MARCHF1: variants seen among roughly 807,000 people sequenced by gnomAD.
MARCHF1 encodes E3 ubiquitin-protein ligase MARCHF1.
A neutral mutation model predicts 54.2 loss-of-function variants in MARCHF1; 40 were observed. The observed-to-expected ratio is 0.74, with a 90% CI of 0.57 to 0.96. The LOEUF (loss-of-function observed/expected upper bound fraction) is 0.96. MARCHF1 is among the 40% of genes least tolerant of loss of function. The pLI, the probability that MARCHF1 is intolerant of heterozygous loss-of-function variation, is 0.00. For synonymous variants in MARCHF1, 236 were observed against 236.3 expected (o/e 1.00, Z 0.01); for missense variants, 586 against 656.5 (o/e 0.89, Z 1.17).
intron 5 of MARCHF1, among the ~76,000 whole-genome samples, chr4:163,698,554 C>T (rs1439425096): frequency 2.0e-5 from 3 of 152,034 alleles, no homozygotes; most frequent in African/African-American, 4.8e-5. Context: ...TATTTCTCTC[C>T]AAATAGGATG....
chr4:164,093,338 C>A (rs1326771205), intron 2 of MARCHF1, among the ~76,000 whole-genome samples: 1 of 152,074 alleles, frequency 6.6e-6, no homozygotes, highest in Non-Finnish European at 1.5e-5. Context: ...GTAAGATACT[C>A]TTCATTTTTA....
At chr4:164,267,347 C>T (rs1733636105) in intron 1 of MARCHF1, among the ~76,000 whole-genome samples, 2 of 152,124 alleles carry the variant, frequency 1.3e-5, no homozygotes, top group South Asian at 4.1e-4. Context: ...TAATGAGATG[C>T]CACTTCTGAG....
At chr4:163,926,815 A>G (rs150869971) in intron 3 of MARCHF1, among the ~76,000 whole-genome samples, 197 of 151,792 alleles carry the variant, frequency 1.3e-3, no homozygotes, top group African/African-American at 4.4e-3. Context: ...GCAGGTATCA[A>G]TATAAACTAT....
intron 1 of MARCHF1, among the ~76,000 whole-genome samples, chr4:164,177,144 A>T (rs1210814313): frequency 6.6e-6 from 1 of 151,602 alleles, no homozygotes; most frequent in African/African-American, 2.4e-5. Context: ...GAAGCTAGAC[A>T]GGAGTAGGAC....
At chr4:164,337,188 C>T (rs938323218) in intron 1 of MARCHF1, among the ~76,000 whole-genome samples, 1 of 152,084 alleles carries the variant, frequency 6.6e-6, no homozygotes, top group African/African-American at 2.4e-5. Context: ...AGTTTTCTGC[C>T]ATCATCACCC....
intron 3 of MARCHF1, among the ~76,000 whole-genome samples, chr4:163,874,399 G>A (rs539188575): frequency 1.6e-4 from 24 of 152,304 alleles, no homozygotes; most frequent in Non-Finnish European, 2.9e-5. Context: ...ACCAAATACT[G>A]TAAGACCCAA....
At chr4:163,880,327 A>G (rs1297738584) in intron 3 of MARCHF1, among the ~76,000 whole-genome samples, 2 of 151,316 alleles carry the variant, frequency 1.3e-5, no homozygotes, top group Non-Finnish European at 3.0e-5. Context: ...TTATTCTTAA[A>G]ATAATTTTCC....
intron 1 of MARCHF1, chr4:164,189,443 T>G: frequency 1.4e-6 from 1 of 697,806 alleles, no homozygotes; most frequent in African/African-American, 1.8e-5. Flanking sequence ...AATTCTGATA[T>G]TGATGATGTT....
At chr4:163,732,890 G>A (rs1300613640) in intron 4 of MARCHF1, among the ~76,000 whole-genome samples, 2 of 151,874 alleles carry the variant, frequency 1.3e-5, no homozygotes, top group African/African-American at 4.8e-5. Context: ...GGTGGCTCCC[G>A]CCTGTAATCC....
chr4:164,280,092 G>A (rs1398385832), intron 1 of MARCHF1, among the ~76,000 whole-genome samples: 3 of 151,618 alleles, frequency 2.0e-5, no homozygotes, highest in Admixed American at 2.0e-4. Flanking sequence ...TTCTTACCCT[G>A]TTTTATAGAG....
intron 1 of MARCHF1, among the ~76,000 whole-genome samples, chr4:164,118,423 T>C (rs116130409): frequency 0.022 from 3,369 of 150,882 alleles, 149 homozygotes; most frequent in African/African-American, 0.077. Flanking sequence ...TATATATTTA[T>C]AAAGATATTA....
At chr4:163,611,162 T>C (rs1741326238) in intron 7 of MARCHF1, among the ~76,000 whole-genome samples, 2 of 152,082 alleles carry the variant, frequency 1.3e-5, no homozygotes, top group African/African-American at 4.8e-5. Flanking sequence ...TTAGAAACTA[T>C]ACAAATCTTA....
intron 2 of MARCHF1, among the ~76,000 whole-genome samples, chr4:164,039,941 GATAAA>G (rs1754088420): frequency 6.8e-6 from 1 of 146,306 alleles, no homozygotes; most frequent in Admixed American, 6.9e-5. Context: ...ATTCATCTTG[GATAAA>G]ATAAATTTCA....
rs139715539 is a variant in MARCHF1 at position 163,697,316 on chromosome 4, G to A, written c.162+3497C>T. On this transcript the variant is annotated intron_variant, in intron 5 of 9. Transcript: ENST00000514618. ...ACAGTGAATCATCCTTAACAGGTAG[G>A]GTGAAGCACTACTTATGGAATCTAA... 4.0e-4 allele frequency among the ~76,000 whole-genome samples: 61 copies of A among 152,188 alleles called. No individual in the cohort carries two copies. The East Asian group carries it at 9.1e-3, about 23-fold the overall frequency.
chr4:163,896,151 T>G (rs1750800955), intron 3 of MARCHF1, among the ~76,000 whole-genome samples: 2 of 152,168 alleles, frequency 1.3e-5, no homozygotes, highest in Admixed American at 6.5e-5. Context: ...ATATATATTG[T>G]GCCAAAAAAG....
intron 4 of MARCHF1, among the ~76,000 whole-genome samples, chr4:163,786,526 CATT>C (rs1339055225): frequency 6.6e-6 from 1 of 151,808 alleles, no homozygotes; most frequent in Non-Finnish European, 1.5e-5. Context: ...AGTAATAAGA[CATT>C]ATAGTAAATA....
At chr4:164,014,748 C>T (rs1024635703) in intron 2 of MARCHF1, among the ~76,000 whole-genome samples, 3 of 151,950 alleles carry the variant, frequency 2.0e-5, no homozygotes, top group Non-Finnish European at 4.4e-5. Flanking sequence ...GCTATAATTA[C>T]ATCAGACAAA....
chr4:163,671,181 A>T (rs1743723573), intron 5 of MARCHF1, among the ~76,000 whole-genome samples: 1 of 152,190 alleles, frequency 6.6e-6, no homozygotes, highest in Non-Finnish European at 1.5e-5. Flanking sequence ...TGAAAACAAC[A>T]CTATCACTAT....
At chr4:164,092,756 A>C (rs1755331699) in intron 2 of MARCHF1, among the ~76,000 whole-genome samples, 1 of 152,110 alleles carries the variant, frequency 6.6e-6, no homozygotes, top group African/African-American at 2.4e-5. Flanking sequence ...TTGAGTTCTC[A>C]TCTTATTGAA....
Sources: allele counts gnomAD v4.1 joint callset (sites outside exome capture counted in the v4.1 genomes callset), GRCh38; gene constraint gnomAD v4.1.1; transcripts MANE v1.5; gene names NCBI Gene and HGNC (gene_info 2026-07-23, HGNC 2026-07-21).